CNGB3: variants seen among roughly 807,000 people sequenced by gnomAD.
CNGB3 encodes the protein cyclic nucleotide-gated channel beta-3.
A neutral mutation model predicts 92.8 loss-of-function variants in CNGB3; 86 were observed. The ratio of observed to expected loss-of-function variants is 0.93; its 90% CI spans 0.78 to 1.11. The LOEUF (loss-of-function observed/expected upper bound fraction) is 1.11, where lower values mean the gene tolerates loss of function less well. Among genes scored for constraint, CNGB3 ranks in the 50% least tolerant of loss-of-function variants. The pLI, the probability that CNGB3 is intolerant of heterozygous loss-of-function variation, is 0.00. For synonymous variants in CNGB3, 333 were observed against 332.7 expected (o/e 1.00, Z -0.01); for missense variants, 1,026 against 956.8 (o/e 1.07, Z -0.95).
At chr8:86,642,670 T>C (rs1823214042) in intron 10 of CNGB3, among the ~76,000 whole-genome samples, 1 of 151,834 alleles carries the variant, frequency 6.6e-6, no homozygotes, top group South Asian at 2.1e-4. Flanking sequence ...GTCATTTCAC[T>C]GGAGCAGAAA....
chr8:86,684,369 A>C (rs756499873), intron 3 of CNGB3, among the ~76,000 whole-genome samples: 10 of 152,154 alleles, frequency 6.6e-5, no homozygotes, highest in Non-Finnish European at 1.0e-4. Flanking sequence ...CCTGGGAAGA[A>C]ACTGGATCAC....
At chr8:86,694,718 C>G (rs145545352) in intron 3 of CNGB3, among the ~76,000 whole-genome samples, 1 of 150,972 alleles carries the variant, frequency 6.6e-6, no homozygotes, top group South Asian at 2.1e-4. Context: ...CGGGCAGAGA[C>G]GCTCCTCACT....
intron 10 of CNGB3, among the ~76,000 whole-genome samples, chr8:86,636,151 T>C (rs940028204): frequency 6.6e-6 from 1 of 152,092 alleles, no homozygotes; most frequent in Non-Finnish European, 1.5e-5. Flanking sequence ...TCTTATTTTT[T>C]GGATGTATTT....
chr8:86,651,090 T>C (rs1160695958), intron 7 of CNGB3, among the ~76,000 whole-genome samples: 1 of 151,604 alleles, frequency 6.6e-6, no homozygotes. Flanking sequence ...TTCTCACTTA[T>C]AAGTGGGAGC....
At chr8:86,743,290 A>G (rs1345587316) in intron 1 of CNGB3, among the ~76,000 whole-genome samples, 1 of 152,244 alleles carries the variant, frequency 6.6e-6, no homozygotes, top group Admixed American at 6.5e-5. Flanking sequence ...TCCAAATCCT[A>G]GTATAGTCTC....
At chr8:86,578,307 T>G (rs1821696943) in intron 17 of CNGB3, among the ~76,000 whole-genome samples, 1 of 152,092 alleles carries the variant, frequency 6.6e-6, no homozygotes, top group Admixed American at 6.6e-5. Context: ...AACTTAAATT[T>G]TTTGCCACCC....
At position 86,735,376 on chromosome 8, in the gene CNGB3, T is replaced by C. The variant is rs117316777; in HGVS notation, c.211+4279A>G. Among the ~76,000 whole-genome samples, 12 of 152,166 alleles carry C rather than the reference T, an allele frequency of 7.9e-5. No homozygotes were observed. In the East Asian group the frequency reaches 2.3e-3, roughly 29 times the overall value. ...CCAGGAGAAAAATGGTTGTATTTTG[T>C]ATTTCAAGTTGGAATTCTCTTAAAG... is the stretch of plus-strand genomic sequence containing the variant. On this transcript the variant is annotated intron_variant, in intron 2 of 17. Coordinates refer to ENST00000320005, the MANE Select transcript of CNGB3 (RefSeq NM_019098.5).
chr8:86,605,081 A>G (rs1822388174), intron 14 of CNGB3, among the ~76,000 whole-genome samples: 1 of 152,160 alleles, frequency 6.6e-6, no homozygotes, highest in African/African-American at 2.4e-5. Context: ...AAATGCATCC[A>G]TGTGACCCTC....
At chr8:86,616,067 C>T (rs528357420) in intron 13 of CNGB3, among the ~76,000 whole-genome samples, 1 of 152,144 alleles carries the variant, frequency 6.6e-6, no homozygotes, top group Non-Finnish European at 1.5e-5. Context: ...CAAGCCTGAA[C>T]ATAGATAAGC....
chr8:86,630,752 T>C (rs1471956830), intron 11 of CNGB3, among the ~76,000 whole-genome samples: 2 of 152,054 alleles, frequency 1.3e-5, no homozygotes, highest in African/African-American at 4.8e-5. Context: ...CACGCACCTG[T>C]AGTCCCAGCT....
At chr8:86,679,023 A>AT (rs1208400963) in intron 3 of CNGB3, among the ~76,000 whole-genome samples, 4 of 151,976 alleles carry the variant, frequency 2.6e-5, no homozygotes, top group South Asian at 4.2e-4. Context: ...TGCTTTTACC[A>AT]TTTTTTCTCT....
intron 9 of CNGB3, 122 bp downstream of exon 9, chr8:86,644,500 T>A (rs1823255625): frequency 7.7e-7 from 1 of 1,302,578 alleles, no homozygotes; most frequent in Non-Finnish European, 1.0e-6. Context: ...ATATTTTATA[T>A]AGCCAAAGCT....
intron 3 of CNGB3, among the ~76,000 whole-genome samples, chr8:86,699,916 C>T (rs1824520380): frequency 1.3e-5 from 2 of 151,888 alleles, no homozygotes; most frequent in Non-Finnish European, 2.9e-5. Flanking sequence ...CCTTCCCATC[C>T]TCCCTTCCTT....
At chr8:86,670,921 T>C (rs375223952) in intron 4 of CNGB3, 23 bp downstream of exon 4, 2 of 1,611,812 alleles carry the variant, frequency 1.2e-6, no homozygotes, top group African/African-American at 1.3e-5. Context: ...TTCTTCCCAG[T>C]ACTTGGAGGG....
At chr8:86,606,967 G>A (rs960785617) in intron 14 of CNGB3, among the ~76,000 whole-genome samples, 1 of 152,186 alleles carries the variant, frequency 6.6e-6, no homozygotes, top group Non-Finnish European at 1.5e-5. Flanking sequence ...AAAGATATCT[G>A]AAAATTAGTT....
At chr8:86,639,887 C>T (rs6991672) in intron 10 of CNGB3, among the ~76,000 whole-genome samples, 9,276 of 151,996 alleles carry the variant, frequency 0.061, 320 homozygotes, top group South Asian at 0.11. Flanking sequence ...CAGAGCAGAG[C>T]TGATGGGGTA....
chr8:86,742,692 T>C (rs1197528969), intron 1 of CNGB3, among the ~76,000 whole-genome samples: 1 of 152,192 alleles, frequency 6.6e-6, no homozygotes, highest in Non-Finnish European at 1.5e-5. Flanking sequence ...TAGTTCTAAG[T>C]AAATATTGCT....
intron 3 of CNGB3, among the ~76,000 whole-genome samples, chr8:86,701,974 CTTTGT>C (rs1178318593): frequency 1.3e-5 from 2 of 152,026 alleles, no homozygotes; most frequent in African/African-American, 2.4e-5. Context: ...TTCTTTAAGT[CTTTGT>C]TTTATTTATC....
At chr8:86,637,461 C>T (rs552460652) in intron 10 of CNGB3, among the ~76,000 whole-genome samples, 2 of 151,206 alleles carry the variant, frequency 1.3e-5, no homozygotes, top group East Asian at 1.9e-4. Flanking sequence ...TGGTTCCATA[C>T]AAATTTTTGG....
Sources: gnomAD v4.1 joint callset for allele counts (sites outside exome capture counted in the v4.1 genomes callset) on GRCh38, gnomAD v4.1.1 for gene constraint, MANE v1.5 for transcripts, NCBI Gene and HGNC (gene_info 2026-07-23, HGNC 2026-07-21) for gene names.